CYP7B1: variants seen among roughly 807,000 people sequenced by gnomAD.
CYP7B1 encodes cytochrome P450 7B1.
CYP7B1 carries 29 observed loss-of-function variants against 42.7 expected under a neutral mutation model. The observed-to-expected ratio is 0.68, with a 90% CI of 0.51 to 0.93. CYP7B1 has a LOEUF of 0.93. Ranked by LOEUF, CYP7B1 falls within the 40% of genes least tolerant of loss-of-function variation. The probability of loss-of-function intolerance (pLI) is 0.00; values close to 1 mark genes in which losing one functional copy is unlikely to be tolerated. For synonymous variants in CYP7B1, 235 were observed against 218.2 expected, an observed-to-expected ratio of 1.08 and a Z score of -0.68; for missense variants, 655 against 600.5, an observed-to-expected ratio of 1.09 and a Z score of -0.95.
chr8:64,696,530 T>G (rs1806830709), intron 1 of CYP7B1, among the ~76,000 whole-genome samples: 1 of 152,174 alleles, frequency 6.6e-6, no homozygotes, highest in Admixed American at 6.6e-5. Flanking sequence ...AATGACTTGT[T>G]CATGGTCACT....
intron 1 of CYP7B1, among the ~76,000 whole-genome samples, chr8:64,740,626 CAG>C (rs1022515828): frequency 6.7e-6 from 1 of 148,978 alleles, no homozygotes; most frequent in African/African-American, 2.5e-5. Flanking sequence ...AAAAAAAAAA[CAG>C]AGAAGATATA....
chr8:64,593,235 GTGTGTGTGTGTGTGTGTGT>G lies in CYP7B1; in HGVS notation c.*3388_*3406del, dbSNP rs1805064577. On this transcript the variant is annotated 3_prime_UTR_variant, in exon 6 of 6. Coordinates refer to ENST00000310193, the MANE Select transcript of CYP7B1 (RefSeq NM_004820.5). ...TGGACTAAAGGCTAGGGCCCAGGGT[GTGTGTGTGTGTGTGTGTGT>G]GTGTGTGTGTGTGTGTGTGTGTGTG... Among the ~76,000 whole-genome samples, 7 of 51,666 alleles carry G rather than the reference GTGTGTGTGTGTGTGTGTGT, an allele frequency of 1.4e-4. No homozygotes were observed. The highest frequency in any genetic ancestry group is 2.1e-4 in the Non-Finnish European group (7 of 33,392). 33.9% of individuals were successfully genotyped at this position (51,666 alleles called of 152,430 possible).
At chr8:64,632,560 A>AGATC (rs1376413077) in intron 1 of CYP7B1, among the ~76,000 whole-genome samples, 1 of 152,160 alleles carries the variant, frequency 6.6e-6, no homozygotes, top group Admixed American at 6.5e-5. Context: ...TATTAAGAGT[A>AGATC]GATCTCATGT....
intron 1 of CYP7B1, among the ~76,000 whole-genome samples, chr8:64,743,012 C>G (rs948517748): frequency 3.3e-5 from 5 of 152,052 alleles, no homozygotes; most frequent in African/African-American, 1.2e-4. Context: ...AACAGGCAGC[C>G]AAGCCAACGC....
At chr8:64,622,609 T>C (rs1805548082) in intron 2 of CYP7B1, among the ~76,000 whole-genome samples, 1 of 152,036 alleles carries the variant, frequency 6.6e-6, no homozygotes, top group South Asian at 2.1e-4. Context: ...TTGAAAGAGC[T>C]GAATGCAAAA....
chr8:64,614,053 G>C (rs956235825), intron 4 of CYP7B1, among the ~76,000 whole-genome samples: 2 of 152,120 alleles, frequency 1.3e-5, no homozygotes, highest in Non-Finnish European at 1.5e-5. Context: ...TTTGTCTAAA[G>C]AAACTTGGAA....
chr8:64,673,439 T>C (rs1014651659), intron 1 of CYP7B1, among the ~76,000 whole-genome samples: 4 of 152,114 alleles, frequency 2.6e-5, no homozygotes, highest in African/African-American at 9.7e-5. Flanking sequence ...CTGTAGCTTA[T>C]GCTCCCCTGC....
At chr8:64,613,445 C>A (rs948513289) in intron 4 of CYP7B1, among the ~76,000 whole-genome samples, 4 of 152,040 alleles carry the variant, frequency 2.6e-5, no homozygotes, top group Non-Finnish European at 1.5e-5. Context: ...ATACAGAATA[C>A]AAACACATAT....
At chr8:64,733,217 GA>G (rs1481426425) in intron 1 of CYP7B1, among the ~76,000 whole-genome samples, 1 of 152,164 alleles carries the variant, frequency 6.6e-6, no homozygotes, top group Admixed American at 6.5e-5. Flanking sequence ...GTGCTAAAAA[GA>G]AAATGTAAGT....
intron 4 of CYP7B1, among the ~76,000 whole-genome samples, chr8:64,606,369 G>A (rs185336165): frequency 5.3e-5 from 8 of 152,288 alleles, no homozygotes; most frequent in East Asian, 3.9e-4. Context: ...TACTGCTGCC[G>A]GCTCTGTTGG....
chr8:64,667,657 A>G (rs1806301762), intron 1 of CYP7B1, among the ~76,000 whole-genome samples: 1 of 152,192 alleles, frequency 6.6e-6, no homozygotes, highest in Non-Finnish European at 1.5e-5. Context: ...ATTAGGTATC[A>G]GTTGGGTACC....
At chr8:64,759,163 C>T (rs1485355285) in intron 1 of CYP7B1, among the ~76,000 whole-genome samples, 3 of 152,114 alleles carry the variant, frequency 2.0e-5, no homozygotes, top group African/African-American at 7.2e-5. Flanking sequence ...TGCTGTAGCT[C>T]GCCAGGATGA....
chr8:64,624,204 C>T (rs558269902), intron 2 of CYP7B1, among the ~76,000 whole-genome samples, 199 bp downstream of exon 2: 1 of 151,698 alleles, frequency 6.6e-6, no homozygotes, highest in South Asian at 2.1e-4. Flanking sequence ...CCCTAAGTAC[C>T]ATGAAGAGAG....
intron 1 of CYP7B1, among the ~76,000 whole-genome samples, chr8:64,648,768 A>G (rs560527744): frequency 2.0e-5 from 3 of 152,310 alleles, no homozygotes; most frequent in African/African-American, 7.2e-5. Flanking sequence ...CTCATATTTA[A>G]TTCCATAAAA....
intron 1 of CYP7B1, among the ~76,000 whole-genome samples, chr8:64,641,909 C>G (rs767438684): frequency 2.6e-5 from 4 of 152,152 alleles, no homozygotes; most frequent in Non-Finnish European, 4.4e-5. Flanking sequence ...GACAATGGCT[C>G]ATGGTAAACA....
chr8:64,637,172 A>G (rs917203661), intron 1 of CYP7B1, among the ~76,000 whole-genome samples: 1 of 152,154 alleles, frequency 6.6e-6, no homozygotes, highest in African/African-American at 2.4e-5. Context: ...ATGGAGAAAC[A>G]AAGTTCCAAA....
rs1363439562 is a variant in CYP7B1, at chr8:64,592,289, C to T, written c.*4353G>A. On this transcript the variant is annotated 3_prime_UTR_variant, in exon 6 of 6. Coordinates refer to ENST00000310193, the MANE Select transcript of CYP7B1 (RefSeq NM_004820.5). ...TTTAATTATCATATTATCAAAATAC[C>T]TGTTGTATATATTTTTATTGTGTAT... is the stretch of plus-strand genomic sequence containing the variant. 6.6e-6 allele frequency among the ~76,000 whole-genome samples: 1 copy of T among 151,800 alleles called. No individual in the cohort carries two copies. The highest frequency in any genetic ancestry group is 1.5e-5 in the Non-Finnish European group (1 of 67,980).
chr8:64,737,191 C>T (rs191540608), intron 1 of CYP7B1, among the ~76,000 whole-genome samples: 1 of 152,292 alleles, frequency 6.6e-6, no homozygotes, highest in East Asian at 1.9e-4. Flanking sequence ...CAACCTTGAA[C>T]TCCTGGACTC....
At chr8:64,742,316 A>G (rs1380860227) in intron 1 of CYP7B1, among the ~76,000 whole-genome samples, 5 of 152,160 alleles carry the variant, frequency 3.3e-5, no homozygotes, top group African/African-American at 9.7e-5. Context: ...ACATCGTTTT[A>G]ATGTATGCAT....
Sources: allele counts gnomAD v4.1 joint callset (sites outside exome capture counted in the v4.1 genomes callset), GRCh38; gene constraint gnomAD v4.1.1; transcripts MANE v1.5; gene names NCBI Gene and HGNC (gene_info 2026-07-23, HGNC 2026-07-21).